The following RALGPS2 variants were observed in gnomAD, a reference collection of about 807,000 sequenced individuals.
RALGPS2 encodes Ral GEF with PH domain and SH3 binding motif 2.
In RALGPS2, 43 loss-of-function variants were observed where a neutral mutation model predicts 86.8. The ratio of observed to expected loss-of-function variants is 0.50; its 90% CI spans 0.39 to 0.64. The LOEUF (loss-of-function observed/expected upper bound fraction) is 0.64, where lower values mean the gene tolerates loss of function less well. Among genes scored for constraint, RALGPS2 ranks in the 30% least tolerant of loss-of-function variants. The pLI is 0.00. For missense variants in RALGPS2, 536 were observed against 694.6 expected (o/e 0.77, Z 2.57); for synonymous variants, 243 against 231.3 (o/e 1.05, Z -0.46).
At chr1:178,726,727 T>C (rs1337066391) in intron 1 of RALGPS2, among the ~76,000 whole-genome samples, 2 of 152,222 alleles carry the variant, frequency 1.3e-5, no homozygotes, top group Non-Finnish European at 2.9e-5. Flanking sequence ...CTTGGGTATT[T>C]TTCTGTGTCC....
At chr1:178,758,077 A>C (rs1182110113) in intron 1 of RALGPS2, among the ~76,000 whole-genome samples, 1 of 152,110 alleles carries the variant, frequency 6.6e-6, no homozygotes, top group African/African-American at 2.4e-5. Context: ...GTGTGTGTAC[A>C]GGTGTTCATA....
At chr1:178,740,117 C>A (rs932917701) in intron 1 of RALGPS2, among the ~76,000 whole-genome samples, 2 of 152,130 alleles carry the variant, frequency 1.3e-5, no homozygotes, top group African/African-American at 4.8e-5. Context: ...ATTATATGAT[C>A]CCCTTAGTAA....
At chr1:178,811,681 G>A (rs915652477) in intron 6 of RALGPS2, among the ~76,000 whole-genome samples, 1 of 152,252 alleles carries the variant, frequency 6.6e-6, no homozygotes, top group African/African-American at 2.4e-5. Flanking sequence ...TTGGATTATG[G>A]TAAAGTATGA....
At chr1:178,914,003 G>A (rs375873325) in intron 19 of RALGPS2, among the ~76,000 whole-genome samples, 2 of 152,202 alleles carry the variant, frequency 1.3e-5, no homozygotes, top group African/African-American at 4.8e-5. Context: ...GCCCGCAAAA[G>A]CATTCCAACA....
Position 178,873,497 on chromosome 1 carries a change from G to A in RALGPS2, c.608-4001G>A, listed in dbSNP as rs114090098. Among the ~76,000 whole-genome samples the A allele has an allele frequency of 6.0e-3, 910 of 152,276 alleles. 15 individuals carry two copies. The highest frequency in any genetic ancestry group is 0.021 in the African/African-American group (879 of 41,552). ...GTGGATCAACAGAAGCTTATATACC[G>A]TGAGTGGGAGTATGAATTGATACAG... On this transcript the variant is annotated intron_variant, in intron 8 of 19. Transcript: ENST00000367635.
intron 7 of RALGPS2, among the ~76,000 whole-genome samples, chr1:178,827,647 G>T (rs567246165): frequency 1.3e-5 from 2 of 151,964 alleles, no homozygotes; most frequent in South Asian, 2.1e-4. Flanking sequence ...CGCCCGCCTC[G>T]GCCTCCCAAA....
At chr1:178,753,619 T>C (rs1651794993) in intron 1 of RALGPS2, 1 of 152,178 alleles carries the variant, frequency 6.6e-6, no homozygotes, top group African/African-American at 2.4e-5. Context: ...AAATTTATGT[T>C]GTAGCGTAAT....
At chr1:178,825,852 T>C (rs772199704) in intron 7 of RALGPS2, among the ~76,000 whole-genome samples, 3 of 152,196 alleles carry the variant, frequency 2.0e-5, no homozygotes, top group South Asian at 2.1e-4. Flanking sequence ...TAAAATTCTG[T>C]TGGACAGCAC....
intron 8 of RALGPS2, among the ~76,000 whole-genome samples, chr1:178,875,139 T>C (rs533866478): frequency 6.6e-6 from 1 of 152,354 alleles, no homozygotes; most frequent in South Asian, 2.1e-4. Context: ...GGCATGTTTA[T>C]GGACAATAAT....
chr1:178,826,438 A>T (rs1655744867), intron 7 of RALGPS2, among the ~76,000 whole-genome samples: 1 of 152,214 alleles, frequency 6.6e-6, no homozygotes. Context: ...AAGTGAAATA[A>T]ACCAGATACA....
At chr1:178,832,784 T>C (rs1252562376) in intron 7 of RALGPS2, among the ~76,000 whole-genome samples, 1 of 151,940 alleles carries the variant, frequency 6.6e-6, no homozygotes, top group Non-Finnish European at 1.5e-5. Flanking sequence ...ACTTTGCTTT[T>C]TTTTTTTTCA....
intron 15 of RALGPS2, 137 bp downstream of exon 15, chr1:178,892,444 CT>C (rs1328103156): frequency 2.8e-6 from 2 of 703,528 alleles, no homozygotes; most frequent in African/African-American, 3.6e-5. Context: ...CCTAGAAAAA[CT>C]TTCTTTCCAA....
chr1:178,884,312 G>T (rs1659384598), intron 11 of RALGPS2, among the ~76,000 whole-genome samples: 1 of 152,030 alleles, frequency 6.6e-6, no homozygotes, highest in African/African-American at 2.4e-5. Context: ...ACATTGTAAT[G>T]GGGATATTAT....
chr1:178,737,540 C>T (rs1479472916), intron 1 of RALGPS2, among the ~76,000 whole-genome samples: 1 of 152,082 alleles, frequency 6.6e-6, no homozygotes, highest in African/African-American at 2.4e-5. Flanking sequence ...GCCACCGCAC[C>T]TGGCCAGCGC....
At chr1:178,826,262 A>T (rs1305502619) in intron 7 of RALGPS2, among the ~76,000 whole-genome samples, 1 of 152,238 alleles carries the variant, frequency 6.6e-6, no homozygotes, top group East Asian at 1.9e-4. Flanking sequence ...TGTTCATAAC[A>T]ACATTATTCA....
chr1:178,859,991 T>A (rs1657887342), intron 8 of RALGPS2, among the ~76,000 whole-genome samples: 1 of 151,976 alleles, frequency 6.6e-6, no homozygotes, highest in Non-Finnish European at 1.5e-5. Context: ...CACTTCTACC[T>A]GTACCCCCTC....
intron 8 of RALGPS2, among the ~76,000 whole-genome samples, chr1:178,838,388 T>A (rs1482850134): frequency 6.6e-6 from 1 of 152,184 alleles, no homozygotes; most frequent in African/African-American, 2.4e-5. Flanking sequence ...TTCTGCAGCC[T>A]CCGCTGCTGA....
Position 178,879,028 on chromosome 1 carries a change from T to C in RALGPS2, c.836+36T>C, listed in dbSNP as rs751495761. 3.1e-6 allele frequency: 5 copies of C among 1,604,098 alleles called. No individual in the cohort carries two copies. In the South Asian group the frequency reaches 3.4e-5, roughly 11 times the overall value. ...TCTTCAAAAGTGGTTTGTATAACTT[T>C]GTCCTGTCCTCCACCTTTCTATCCC... On this transcript the variant is annotated intron_variant, in intron 10 of 19. Transcript: ENST00000367635.
intron 19 of RALGPS2, among the ~76,000 whole-genome samples, chr1:178,908,546 G>A (rs1352059067): frequency 6.6e-6 from 1 of 152,206 alleles, no homozygotes. Context: ...CCTACCAAGT[G>A]TATAAGCATT....
Sources: allele counts gnomAD v4.1 joint callset (sites outside exome capture counted in the v4.1 genomes callset), GRCh38; gene constraint gnomAD v4.1.1; transcripts MANE v1.5; gene names NCBI Gene and HGNC (gene_info 2026-07-23, HGNC 2026-07-21).